The following ADAM12 variants were observed in gnomAD, a reference collection of about 807,000 sequenced individuals.
ADAM12 encodes disintegrin and metalloproteinase domain-containing protein 12.
Under a neutral mutation model 106.4 loss-of-function variants are expected in ADAM12, and 70 were observed. That is an observed-to-expected ratio of 0.66 (90% CI 0.54 to 0.80). The LOEUF is 0.80. Ranked by LOEUF, ADAM12 falls within the 30% of genes least tolerant of loss-of-function variation. ADAM12 has a pLI of 0.00. For synonymous variants in ADAM12, 420 were observed against 433.5 expected, an observed-to-expected ratio of 0.97 and a Z score of 0.39; for missense variants, 1,010 against 1,171.9, an observed-to-expected ratio of 0.86 and a Z score of 2.02.
intron 19 of ADAM12, 42 bp from the exon 20 acceptor site, chr10:126,038,391 C>T (rs746672495): frequency 6.9e-7 from 1 of 1,454,338 alleles, no homozygotes; most frequent in Non-Finnish European, 9.2e-7. Context: ...CGTGTTTCCC[C>T]TTCTCACTGA....
In ADAM12 at chr10:126,158,580, G is replaced by T. The variant is rs34435376; in HGVS notation, c.261-3275C>A. Among the ~76,000 whole-genome samples the T allele has an allele frequency of 2.3e-3, 192 of 82,186 alleles. 22 individuals carry two copies. Among genetic ancestry groups the T allele is most frequent in the African/African-American group, 9.2e-3 (191 of 20,796 alleles). 53.9% of individuals were successfully genotyped at this position (82,186 alleles called of 152,430 possible). On this transcript the variant is annotated intron_variant, in intron 3 of 22. Coordinates refer to ENST00000448723, the MANE Select transcript of ADAM12 (RefSeq NM_001288973.2). ...GCATGGGGCAGGGATGCACAGAGCC[G>T]GGGGTGGGGATGCAGAGAGCAGAGG...
At position 126,049,261 on chromosome 10, in the gene ADAM12, C is replaced by A. The variant is rs542869041; in HGVS notation, c.1909G>T (p.Asp637Tyr). Residue 637 changes from aspartate (D) to tyrosine (Y), a missense_variant, in exon 16 of 23, where the codon GAT becomes TAT. By Grantham distance (160) the Asp-to-Tyr change is radical (BLOSUM62 -3). Coordinates refer to ENST00000448723, the MANE Select transcript of ADAM12 (RefSeq NM_001288973.2). The surrounding 1 kb of genome is among the most constrained non-coding windows in gnomAD (Gnocchi z 4.4). ...GLVLAGTKCA[D>Y]GKICLNRQCQ... The stretch of plus-strand genomic sequence containing the variant: ...AAACATTTGGGTCTTACTTTTCCAT[C>A]TGCACACTTTGTGCCTGCAAGCACA... The A allele has an allele frequency of 4.9e-5, 79 of 1,614,088 alleles. 2 individuals are homozygous for A. In the South Asian group the frequency reaches 8.1e-4, roughly 17 times the overall value.
Position 126,016,010 on chromosome 10 carries a change from T to G in ADAM12, c.*1269A>C, listed in dbSNP as rs1322182649. 3 of 152,232 alleles carry G rather than the reference T, an allele frequency of 2.0e-5. No homozygotes were observed. The highest frequency in any genetic ancestry group is 4.4e-5 in the Non-Finnish European group (3 of 68,050). 9.4% of individuals were successfully genotyped at this position (152,232 alleles called of 1,614,324 possible). Reference sequence around the variant, plus strand: ...TAAGCAAGTTGATTTCCTTATCACATTCTGTGATGCTCAACAGGTAGGTTG... The same window carrying G: ...TAAGCAAGTTGATTTCCTTATCACAGTCTGTGATGCTCAACAGGTAGGTTG... On this transcript the variant is annotated 3_prime_UTR_variant, in exon 23 of 23. Coordinates refer to ENST00000448723, the MANE Select transcript of ADAM12 (RefSeq NM_001288973.2).
At chr10:126,387,890 G>GC (rs1856726591) in intron 1 of ADAM12, among the ~76,000 whole-genome samples, 168 bp downstream of exon 1, 1 of 53,940 alleles carries the variant, frequency 1.9e-5, no homozygotes, top group African/African-American at 7.4e-5. Flanking sequence ...ATTGGCACCT[G>GC]GGGGGGGGGG....
chr10:126,317,927 T>C (rs1342977391), intron 2 of ADAM12, among the ~76,000 whole-genome samples: 3 of 152,136 alleles, frequency 2.0e-5, no homozygotes, highest in African/African-American at 7.2e-5. Context: ...AGATAGGGTG[T>C]GTCTCAGCCA....
intron 3 of ADAM12, 72 bp from the exon 4 acceptor site, chr10:126,155,377 G>A (rs919224084): frequency 1.4e-6 from 2 of 1,386,372 alleles, no homozygotes; most frequent in African/African-American, 2.9e-5. Flanking sequence ...GAATGTCTAG[G>A]CTATAGGGTA....
chr10:126,327,674 T>C (rs903194047), intron 2 of ADAM12, among the ~76,000 whole-genome samples: 4 of 151,850 alleles, frequency 2.6e-5, no homozygotes, highest in African/African-American at 7.3e-5. Context: ...CATTTCTGTA[T>C]AAATAAGGAA....
At chr10:126,264,268 G>A (rs1337922302) in intron 3 of ADAM12, among the ~76,000 whole-genome samples, 1 of 152,202 alleles carries the variant, frequency 6.6e-6, no homozygotes, top group Non-Finnish European at 1.5e-5. Context: ...TTCTCCACTG[G>A]AGCCTGTCAG....
chr10:126,225,564 G>A (rs1017571941), intron 3 of ADAM12, among the ~76,000 whole-genome samples: 4 of 152,136 alleles, frequency 2.6e-5, no homozygotes, highest in African/African-American at 9.7e-5. Flanking sequence ...GGAGGTGTGC[G>A]TGTGTTCATG....
At chr10:126,193,514 A>G (rs1957542170) in intron 3 of ADAM12, among the ~76,000 whole-genome samples, 1 of 152,194 alleles carries the variant, frequency 6.6e-6, no homozygotes, top group South Asian at 2.1e-4. Flanking sequence ...GGCACTTTAA[A>G]TAAAACTAAG....
chr10:126,363,939 A>G (rs1181164634), intron 1 of ADAM12, among the ~76,000 whole-genome samples: 1 of 152,204 alleles, frequency 6.6e-6, no homozygotes, highest in Non-Finnish European at 1.5e-5. Context: ...GCAGCATATT[A>G]AAAATATGAT....
chr10:126,348,471 C>T (rs1186326361), intron 1 of ADAM12, among the ~76,000 whole-genome samples: 3 of 152,118 alleles, frequency 2.0e-5, no homozygotes, highest in African/African-American at 7.2e-5. Context: ...GTTATGCCCT[C>T]ACCTCCGTGC....
At chr10:126,256,201 T>C (rs1295776608) in intron 3 of ADAM12, among the ~76,000 whole-genome samples, 1 of 152,132 alleles carries the variant, frequency 6.6e-6, no homozygotes, top group Non-Finnish European at 1.5e-5. Flanking sequence ...ACGAAAGCCA[T>C]TGGTCTAAGA....
intron 3 of ADAM12, among the ~76,000 whole-genome samples, chr10:126,236,874 G>A (rs1190963380): frequency 6.6e-6 from 1 of 152,166 alleles, no homozygotes. Context: ...GCCGCCTCCT[G>A]GAGGAAGGGG....
At chr10:126,295,328 T>C (rs1960319667) in intron 2 of ADAM12, among the ~76,000 whole-genome samples, 2 of 152,134 alleles carry the variant, frequency 1.3e-5, no homozygotes, top group African/African-American at 4.8e-5. Context: ...ATAGTTTCTA[T>C]CACAACTTGG....
At chr10:126,248,391 C>A (rs1481248284) in intron 3 of ADAM12, among the ~76,000 whole-genome samples, 7 of 152,170 alleles carry the variant, frequency 4.6e-5, no homozygotes, top group Non-Finnish European at 1.0e-4. Flanking sequence ...TTCTGACTCT[C>A]AACCAGGACA....
At chr10:126,302,232 C>T (rs1960657002) in intron 2 of ADAM12, among the ~76,000 whole-genome samples, 1 of 152,268 alleles carries the variant, frequency 6.6e-6, no homozygotes, top group Admixed American at 6.5e-5. Flanking sequence ...TGTTTCTGTG[C>T]CAAATTCTGC....
chr10:126,083,157 C>T (rs55746683), intron 11 of ADAM12, among the ~76,000 whole-genome samples: 2 of 152,128 alleles, frequency 1.3e-5, no homozygotes, highest in Admixed American at 1.3e-4. Flanking sequence ...CAGGAGCCAC[C>T]ATTTGTTTAG....
chr10:126,167,445 G>A (rs1431152429), intron 3 of ADAM12, among the ~76,000 whole-genome samples: 1 of 152,182 alleles, frequency 6.6e-6, no homozygotes, highest in South Asian at 2.1e-4. Flanking sequence ...AAAGAATTTG[G>A]AGTGAGTTGG....
Sources: allele counts gnomAD v4.1 joint callset (sites outside exome capture counted in the v4.1 genomes callset), GRCh38; gene constraint gnomAD v4.1.1; non-coding constraint Gnocchi (gnomAD v3.1); transcripts MANE v1.5; gene names NCBI Gene and HGNC (gene_info 2026-07-23, HGNC 2026-07-21).